The following TBC1D5 variants were observed in gnomAD, a reference collection of about 807,000 sequenced individuals.
TBC1D5 encodes the protein TBC1 domain family, member 5.
A neutral mutation model predicts 100.3 loss-of-function variants in TBC1D5; 75 were observed. The ratio of observed to expected loss-of-function variants is 0.75; its 90% CI spans 0.62 to 0.91. The LOEUF is 0.91. Among genes scored for constraint, TBC1D5 ranks in the 40% least tolerant of loss-of-function variants. The pLI is 0.00. For synonymous variants in TBC1D5, 323 were observed against 325.6 expected, an observed-to-expected ratio of 0.99 and a Z score of 0.09; for missense variants, 910 against 942.4, an observed-to-expected ratio of 0.97 and a Z score of 0.45.
At chr3:17,187,065 T>C (rs986939999) in intron 18 of TBC1D5, among the ~76,000 whole-genome samples, 3 of 152,160 alleles carry the variant, frequency 2.0e-5, no homozygotes, top group African/African-American at 7.2e-5. Context: ...TGAATTTCCC[T>C]CGTTATCACA....
At chr3:17,601,282 G>A (rs151003103) in intron 2 of TBC1D5, among the ~76,000 whole-genome samples, 4,092 of 152,232 alleles carry the variant, frequency 0.027, 77 homozygotes, top group Middle Eastern at 0.048. Context: ...AGGCCCAGGC[G>A]GGTGGATCAC....
chr3:17,232,344 C>A (rs1372554802), intron 17 of TBC1D5, among the ~76,000 whole-genome samples: 1 of 152,156 alleles, frequency 6.6e-6, no homozygotes, highest in Non-Finnish European at 1.5e-5. Flanking sequence ...GGGACAACAA[C>A]ACACATGTTA....
chr3:17,695,365 T>G (rs1272055612), intron 1 of TBC1D5, among the ~76,000 whole-genome samples: 1 of 151,888 alleles, frequency 6.6e-6, no homozygotes, highest in Non-Finnish European at 1.5e-5. Context: ...TCACGTGCAA[T>G]GACGCACATA....
intron 13 of TBC1D5, among the ~76,000 whole-genome samples, chr3:17,350,457 T>C (rs1272277463): frequency 2.6e-5 from 4 of 152,158 alleles, no homozygotes; most frequent in African/African-American, 9.7e-5. Flanking sequence ...AAATATCATT[T>C]ACATTATATA....
At chr3:17,640,970 A>T (rs1199370990) in intron 1 of TBC1D5, among the ~76,000 whole-genome samples, 1 of 152,134 alleles carries the variant, frequency 6.6e-6, no homozygotes, top group Non-Finnish European at 1.5e-5. Flanking sequence ...CCTTAAAAAA[A>T]AAAAAAGTGA....
At chr3:17,408,336 G>T (rs2093830077) in intron 4 of TBC1D5, among the ~76,000 whole-genome samples, 1 of 147,888 alleles carries the variant, frequency 6.8e-6, no homozygotes, top group Non-Finnish European at 1.5e-5. Flanking sequence ...AAGAGACAAG[G>T]TCTCACTTGG....
chr3:17,363,354 C>G (rs2091872191), intron 13 of TBC1D5, among the ~76,000 whole-genome samples: 1 of 152,026 alleles, frequency 6.6e-6, no homozygotes, highest in African/African-American at 2.4e-5. Context: ...TCCCTATTGC[C>G]TCCTAAATGA....
chr3:17,185,018 A>G, intron 19 of TBC1D5, 91 bp downstream of exon 20: 1 of 1,092,920 alleles, frequency 9.1e-7, no homozygotes, highest in South Asian at 1.6e-5. Context: ...ATTCATGTAA[A>G]CAGCTTAGCA....
At chr3:17,423,338 A>G (rs909897768) in intron 4 of TBC1D5, among the ~76,000 whole-genome samples, 1 of 152,162 alleles carries the variant, frequency 6.6e-6, no homozygotes, top group Non-Finnish European at 1.5e-5. Context: ...ACATAAGTTT[A>G]TAAGTATTCC....
chr3:17,344,405 T>G (rs367947580), intron 13 of TBC1D5, among the ~76,000 whole-genome samples: 5 of 151,984 alleles, frequency 3.3e-5, no homozygotes, highest in Admixed American at 6.6e-5. Context: ...CACTGCTCAA[T>G]GAAATAAAAG....
intron 19 of TBC1D5, among the ~76,000 whole-genome samples, chr3:17,178,752 A>G (rs1043334218): frequency 2.0e-4 from 31 of 152,112 alleles, no homozygotes; most frequent in African/African-American, 7.5e-4. Flanking sequence ...TGATCCTCCC[A>G]GCTCAGCTTC....
At chr3:17,626,385 A>T (rs1470110997) in intron 1 of TBC1D5, among the ~76,000 whole-genome samples, 1 of 152,152 alleles carries the variant, frequency 6.6e-6, no homozygotes, top group Non-Finnish European at 1.5e-5. Context: ...ACCAATTAAG[A>T]TTTACGGGAA....
At chr3:17,603,418 T>C (rs1453447260) in intron 2 of TBC1D5, among the ~76,000 whole-genome samples, 1 of 152,196 alleles carries the variant, frequency 6.6e-6, no homozygotes, top group African/African-American at 2.4e-5. Flanking sequence ...AAGGTTCTTA[T>C]ACATTAGCAT....
chr3:17,233,642 T>C (rs2075615246), intron 17 of TBC1D5, 43 bp downstream of exon 18: 1 of 1,197,308 alleles, frequency 8.4e-7, no homozygotes, highest in Non-Finnish European at 1.2e-6. Flanking sequence ...GATAATACTG[T>C]AGGCAAAGAA....
At chr3:17,466,072 G>A (rs527592587) in intron 3 of TBC1D5, among the ~76,000 whole-genome samples, 8 of 152,160 alleles carry the variant, frequency 5.3e-5, no homozygotes, top group South Asian at 2.1e-4. Flanking sequence ...GCCATCTTGC[G>A]TGGCATGAAA....
intron 19 of TBC1D5, among the ~76,000 whole-genome samples, chr3:17,178,180 C>T (rs1420673485): frequency 6.6e-6 from 1 of 151,666 alleles, no homozygotes; most frequent in Non-Finnish European, 1.5e-5. Flanking sequence ...ATTCTCCTGC[C>T]TCAGCCTCCT....
At chr3:17,194,359 G>A (rs2070367868) in intron 18 of TBC1D5, among the ~76,000 whole-genome samples, 1 of 152,288 alleles carries the variant, frequency 6.6e-6, no homozygotes, top group Admixed American at 6.5e-5. Context: ...GAGAGAAGCA[G>A]GGTGACAAGC....
intron 15 of TBC1D5, among the ~76,000 whole-genome samples, chr3:17,280,540 G>A (rs888846726): frequency 1.3e-5 from 2 of 152,126 alleles, no homozygotes; most frequent in Admixed American, 1.3e-4. Flanking sequence ...GCTAGACATT[G>A]GAGACTATGG....
At chr3:17,170,474 T>C (rs542472140) in intron 19 of TBC1D5, among the ~76,000 whole-genome samples, 3 of 152,308 alleles carry the variant, frequency 2.0e-5, no homozygotes, top group South Asian at 2.1e-4. Flanking sequence ...GAAACCGATG[T>C]AAGCTCTTTT....
Sources: gnomAD v4.1 joint callset for allele counts (sites outside exome capture counted in the v4.1 genomes callset) on GRCh38, gnomAD v4.1.1 for gene constraint, MANE v1.5 for transcripts, NCBI Gene and HGNC (gene_info 2026-07-23, HGNC 2026-07-21) for gene names.